The following NXPH1 variants were observed in gnomAD, a reference collection of about 807,000 sequenced individuals.
NXPH1 encodes the protein neurexophilin 1, also known as neurexophilin-1.
NXPH1 carries 5 observed loss-of-function variants against 23.7 expected under a neutral mutation model. That is an observed-to-expected ratio of 0.21 (90% CI 0.11 to 0.44). The LOEUF is 0.44. Among genes scored for constraint, NXPH1 ranks in the 20% least tolerant of loss-of-function variants. The pLI is 0.99. For synonymous variants in NXPH1, 144 were observed against 122.2 expected (o/e 1.18, Z -1.18); for missense variants, 324 against 321.6 (o/e 1.01, Z -0.06).
intron 2 of NXPH1, among the ~76,000 whole-genome samples, chr7:8,519,346 TG>T (rs2128615372): frequency 2.0e-5 from 3 of 152,306 alleles, no homozygotes; most frequent in African/African-American, 7.2e-5. Context: ...CTAAAAGAAC[TG>T]AGTAATATAT....
intron 2 of NXPH1, among the ~76,000 whole-genome samples, chr7:8,516,266 A>T (rs1817685621): frequency 6.6e-6 from 1 of 151,842 alleles, no homozygotes. Context: ...GCAATTTCTC[A>T]TGCTTTATCT....
chr7:8,675,031 C>T (rs1820927199), intron 2 of NXPH1, among the ~76,000 whole-genome samples: 1 of 152,120 alleles, frequency 6.6e-6, no homozygotes. Context: ...GTTTTTTGGA[C>T]TGGGTATGGA....
intron 2 of NXPH1, among the ~76,000 whole-genome samples, chr7:8,469,166 T>C (rs1816830966): frequency 6.6e-6 from 1 of 151,992 alleles, no homozygotes; most frequent in South Asian, 2.1e-4. Flanking sequence ...AAGGGGTGAA[T>C]GTTATTTTTT....
intron 2 of NXPH1, among the ~76,000 whole-genome samples, chr7:8,698,934 AGAAGTTTATT>A (rs1220221958): frequency 2.6e-5 from 4 of 152,160 alleles, no homozygotes; most frequent in African/African-American, 7.2e-5. Context: ...ATTTATTTTC[AGAAGTTTATT>A]CATTGTAGTA....
chr7:8,610,835 G>T (rs1224267631), intron 2 of NXPH1, among the ~76,000 whole-genome samples: 1 of 151,620 alleles, frequency 6.6e-6, no homozygotes, highest in Non-Finnish European at 1.5e-5. Flanking sequence ...GCTCTTTTTT[G>T]GAACAGGAGG....
chr7:8,505,078 AT>A (rs1817499622), intron 2 of NXPH1, among the ~76,000 whole-genome samples: 1 of 151,856 alleles, frequency 6.6e-6, no homozygotes, highest in South Asian at 2.1e-4. Flanking sequence ...AGGGGATCAA[AT>A]TTTTTTTAAA....
At chr7:8,631,450 G>T (rs1184910611) in intron 2 of NXPH1, among the ~76,000 whole-genome samples, 7 of 152,128 alleles carry the variant, frequency 4.6e-5, no homozygotes, top group African/African-American at 1.4e-4. Flanking sequence ...CTAAAGAGCT[G>T]CACAGCAAAA....
intron 2 of NXPH1, among the ~76,000 whole-genome samples, chr7:8,559,458 G>T (rs1437236408): frequency 6.6e-6 from 1 of 151,530 alleles, no homozygotes; most frequent in Non-Finnish European, 1.5e-5. Context: ...TCATTATTTG[G>T]ATGCCCAAAT....
chr7:8,530,262 G>A (rs540518692), intron 2 of NXPH1, among the ~76,000 whole-genome samples: 5 of 152,248 alleles, frequency 3.3e-5, no homozygotes, highest in African/African-American at 4.8e-5. Flanking sequence ...CTATTAACCT[G>A]TAGCAAATGC....
chr7:8,681,705 A>G (rs1273904713), intron 2 of NXPH1, among the ~76,000 whole-genome samples: 1 of 152,236 alleles, frequency 6.6e-6, no homozygotes, highest in African/African-American at 2.4e-5. Flanking sequence ...TAATTATTAT[A>G]CTGCATTACA....
rs935714919 is a variant in NXPH1, at chr7:8,541,360, A to AAT, written c.54+105603_54+105604dup. 4.5e-4 allele frequency among the ~76,000 whole-genome samples: 69 copies of AAT among 151,736 alleles called. 1 individual carries two copies. The highest frequency in any genetic ancestry group is 1.6e-3 in the African/African-American group (67 of 41,476). ...GTTGTGGGATAACTTCAAGCAACCT[A>AAT]ATATATATATAATTAAGGTCACTGA... On this transcript the variant is annotated intron_variant, in intron 2 of 2. Coordinates refer to ENST00000405863, the MANE Select transcript of NXPH1 (RefSeq NM_152745.3).
At chr7:8,536,213 A>G (rs946301278) in intron 2 of NXPH1, among the ~76,000 whole-genome samples, 1 of 152,040 alleles carries the variant, frequency 6.6e-6, no homozygotes, top group Admixed American at 6.6e-5. Context: ...ATATGAGTTT[A>G]TCTCCTAGTT....
At chr7:8,520,245 C>G (rs963574952) in intron 2 of NXPH1, among the ~76,000 whole-genome samples, 2 of 152,120 alleles carry the variant, frequency 1.3e-5, no homozygotes, top group Non-Finnish European at 2.9e-5. Context: ...GCTAGACAAC[C>G]CAAATATAAG....
intron 2 of NXPH1, among the ~76,000 whole-genome samples, chr7:8,649,482 A>T (rs1331897992): frequency 6.6e-6 from 1 of 152,126 alleles, no homozygotes; most frequent in Non-Finnish European, 1.5e-5. Context: ...TTACACACAC[A>T]TCCAAAACCA....
At chr7:8,656,346 A>G (rs563382784) in intron 2 of NXPH1, among the ~76,000 whole-genome samples, 1 of 152,184 alleles carries the variant, frequency 6.6e-6, no homozygotes, top group African/African-American at 2.4e-5. Flanking sequence ...TAAACCCTTA[A>G]TATATGCTAG....
At chr7:8,536,923 C>G (rs1818036342) in intron 2 of NXPH1, among the ~76,000 whole-genome samples, 1 of 151,880 alleles carries the variant, frequency 6.6e-6, no homozygotes, top group South Asian at 2.1e-4. Context: ...ACTGAGATGG[C>G]AAGCCTTGAT....
chr7:8,675,958 A>G (rs1023973458), intron 2 of NXPH1, among the ~76,000 whole-genome samples: 185 of 152,070 alleles, frequency 1.2e-3, no homozygotes, highest in African/African-American at 4.4e-3. Flanking sequence ...ACCTCTAATT[A>G]TCTAGTTTTC....
At chr7:8,515,323 A>G (rs1817670509) in intron 2 of NXPH1, among the ~76,000 whole-genome samples, 1 of 152,046 alleles carries the variant, frequency 6.6e-6, no homozygotes, top group Non-Finnish European at 1.5e-5. Context: ...TCATCAATTA[A>G]TATTTATTGA....
rs780738478 is a variant in NXPH1, at chr7:8,435,360, C to T, written c.-110-244C>T. 2.8e-6 allele frequency: 1 copy of T among 351,214 alleles called. No individual in the cohort carries two copies. Among genetic ancestry groups the T allele is most frequent in the Non-Finnish European group, 5.3e-6 (1 of 189,774 alleles). 21.8% of individuals were successfully genotyped at this position (351,214 alleles called of 1,614,324 possible). The stretch of plus-strand genomic sequence containing the variant: ...TGCTCCGCCGCCTGGGAACTCGCAC[C>T]CGAGGAGCGCAGGGGGCAAGGAGCC... On this transcript the variant is annotated intron_variant, in intron 1 of 2. Transcript: ENST00000405863. This position sits in a 1 kb window ranked among gnomAD's most constrained non-coding sequence, Gnocchi z 5.9.
Sources: allele counts gnomAD v4.1 joint callset (sites outside exome capture counted in the v4.1 genomes callset), GRCh38; gene constraint gnomAD v4.1.1; non-coding constraint Gnocchi (gnomAD v3.1); transcripts MANE v1.5; gene names NCBI Gene and HGNC (gene_info 2026-07-23, HGNC 2026-07-21).